Variants in ADCY1 observed in about 807,000 individuals in gnomAD.
The protein encoded by ADCY1 is adenylate cyclase type 1.
A neutral mutation model predicts 105.4 loss-of-function variants in ADCY1; 28 were observed. That is an observed-to-expected ratio of 0.27 (90% CI 0.20 to 0.36). The LOEUF is 0.36. Among genes scored for constraint, ADCY1 ranks in the 10% least tolerant of loss-of-function variants. The pLI, the probability that ADCY1 is intolerant of heterozygous loss-of-function variation, is 1.00. For missense variants in ADCY1, 977 were observed against 1,434.2 expected (o/e 0.68, Z 5.15); for synonymous variants, 655 against 623.8 (o/e 1.05, Z -0.75).
intron 4 of ADCY1, among the ~76,000 whole-genome samples, chr7:45,627,833 G>C (rs1424026124): frequency 1.3e-5 from 2 of 152,186 alleles, no homozygotes; most frequent in African/African-American, 4.8e-5. Flanking sequence ...CTGTAAACAG[G>C]CTCCAGAATC....
chr7:45,669,862 A>G (rs2116158045), intron 8 of ADCY1, among the ~76,000 whole-genome samples: 1 of 152,296 alleles, frequency 6.6e-6, no homozygotes, highest in Non-Finnish European at 1.5e-5. Flanking sequence ...TGTTTTTCAA[A>G]TGGTGATAAT....
At chr7:45,594,793 TAAG>T (rs1364875878) in intron 2 of ADCY1, among the ~76,000 whole-genome samples, 1 of 152,198 alleles carries the variant, frequency 6.6e-6, no homozygotes, top group Non-Finnish European at 1.5e-5. Flanking sequence ...TGGATGTTCT[TAAG>T]GAGGACATTT....
intron 4 of ADCY1, among the ~76,000 whole-genome samples, chr7:45,624,184 A>C (rs1562693723): frequency 6.6e-6 from 1 of 152,186 alleles, no homozygotes; most frequent in African/African-American, 2.4e-5. Context: ...TTCTGAGCAC[A>C]GGGCAGGGCT....
At chr7:45,706,491 G>GC in intron 17 of ADCY1, among the ~76,000 whole-genome samples, 2 of 9,062 alleles carry the variant, frequency 2.2e-4, no homozygotes, top group East Asian at 7.4e-3. Flanking sequence ...GACATCACAT[G>GC]CAAAAAAAAA....
In ADCY1 at chr7:45,665,090, T is replaced by C. The variant is rs1784200577; in HGVS notation, c.1605+2876T>C. 3.9e-5 allele frequency among the ~76,000 whole-genome samples: 6 copies of C among 152,330 alleles called. No homozygotes were observed. In the South Asian group the frequency reaches 1.2e-3, roughly 32 times the overall value. On this transcript the variant is annotated intron_variant, in intron 8 of 19. Coordinates refer to ENST00000297323, the MANE Select transcript of ADCY1 (RefSeq NM_021116.4). The stretch of plus-strand genomic sequence containing the variant: ...ATGATGGTTTCCAGCTTCATCCATG[T>C]CCCTGCAAAGGACATGAACTCATTC...
Position 45,718,480 on chromosome 7 carries a change from C to T in ADCY1, c.*4485C>T, listed in dbSNP as rs1785401349. 1 of 152,190 alleles carries T rather than the reference C, an allele frequency of 6.6e-6. No homozygotes were observed. The highest frequency in any genetic ancestry group is 2.4e-5 in the African/African-American group (1 of 41,388). The allele number at this position is 152,190 out of a possible 1,614,324, so 9.4% of individuals were successfully genotyped here. A position where few individuals can be genotyped will look rare whatever the true frequency, so the allele number is the denominator to read the frequency against. On this transcript the variant is annotated 3_prime_UTR_variant, in exon 20 of 20. Coordinates refer to ENST00000297323, the MANE Select transcript of ADCY1 (RefSeq NM_021116.4). ...GGTGTGAGAAGGTCGAACTGGGTGG[C>T]TTAGGCCTTCAAATTGAGCTTGGGG...
chr7:45,622,576 G>C (rs1793931616), intron 3 of ADCY1, 56 bp from the exon 4 acceptor site: 5 of 1,241,942 alleles, frequency 4.0e-6, no homozygotes, highest in Non-Finnish European at 5.9e-6. Flanking sequence ...ACATCTCTAG[G>C]GATTATTTCC....
chr7:45,709,319 C>A (rs925552574), intron 18 of ADCY1, among the ~76,000 whole-genome samples: 4 of 152,180 alleles, frequency 2.6e-5, no homozygotes, highest in Non-Finnish European at 5.9e-5. Flanking sequence ...AAATTCTGCT[C>A]CTCACTTTCC....
chr7:45,654,519 C>T (rs529160432), intron 5 of ADCY1, among the ~76,000 whole-genome samples: 8 of 152,190 alleles, frequency 5.3e-5, no homozygotes, highest in East Asian at 1.9e-4. Flanking sequence ...CCCTGGAGGT[C>T]GTGCGAGAAG....
chr7:45,660,937 G>A (rs188510405), intron 7 of ADCY1, among the ~76,000 whole-genome samples: 217 of 148,386 alleles, frequency 1.5e-3, no homozygotes, highest in African/African-American at 5.3e-3. Flanking sequence ...TAGGGCTCAG[G>A]TCAGGGGTTC....
chr7:45,664,454 A>G, intron 8 of ADCY1: 1 of 1,528,350 alleles, frequency 6.5e-7, no homozygotes, highest in Non-Finnish European at 8.8e-7. Flanking sequence ...CCCCCAGGGC[A>G]TTCACGCCAG....
intron 14 of ADCY1, among the ~76,000 whole-genome samples, chr7:45,697,765 T>C (rs745721704): frequency 6.6e-6 from 1 of 152,218 alleles, no homozygotes; most frequent in East Asian, 1.9e-4. Context: ...CTCCAACTAC[T>C]ATGTTGACTC....
intron 3 of ADCY1, among the ~76,000 whole-genome samples, chr7:45,610,745 T>G (rs1160420785): frequency 1.1e-4 from 12 of 109,848 alleles, no homozygotes; most frequent in East Asian, 3.1e-4. Context: ...GGTGGGGAGG[T>G]GATGATGGAG....
rs1263173679 is a variant in ADCY1 at position 45,710,755 on chromosome 7, G to A, written c.3057+103G>A. 1 of 1,427,498 alleles carries A rather than the reference G, an allele frequency of 7.0e-7. No homozygotes were observed. Among genetic ancestry groups the A allele is most frequent in the Non-Finnish European group, 9.3e-7 (1 of 1,071,160 alleles). 88.4% of individuals were successfully genotyped at this position (1,427,498 alleles called of 1,614,324 possible). ...TGAATCCCCAGTCTACAGCCCGTAA[G>A]TGGCAGGGCAGAAAGAGCTGCATAT... On this transcript the variant is annotated intron_variant, in intron 19 of 19. Transcript: ENST00000297323. This position sits in a 1 kb window ranked among gnomAD's most constrained non-coding sequence, Gnocchi z 4.7.
chr7:45,590,511 T>C (rs1792881384), intron 1 of ADCY1, among the ~76,000 whole-genome samples: 2 of 152,134 alleles, frequency 1.3e-5, no homozygotes, highest in Non-Finnish European at 2.9e-5. Flanking sequence ...GCTCTGGCCC[T>C]GACCCTTTCC....
chr7:45,628,215 G>A (rs1006537581), intron 4 of ADCY1, among the ~76,000 whole-genome samples: 27 of 152,192 alleles, frequency 1.8e-4, no homozygotes, highest in Non-Finnish European at 3.8e-4. Flanking sequence ...GCTTGTGCTC[G>A]TATACAGGCC....
intron 2 of ADCY1, among the ~76,000 whole-genome samples, chr7:45,597,985 A>G (rs1200048445): frequency 1.3e-5 from 2 of 152,230 alleles, no homozygotes; most frequent in Non-Finnish European, 2.9e-5. Flanking sequence ...AAGAAACAGA[A>G]CAAAGGGTCA....
At position 45,703,647 on chromosome 7, in the gene ADCY1, C is replaced by T. The variant is rs1436674507; in HGVS notation, c.2619C>T (p.Ser873=). The change falls in exon 16 of 20, where the codon TCC becomes TCT. Residue 873 remains serine (S), a synonymous_variant. Coordinates refer to ENST00000297323, the MANE Select transcript of ADCY1 (RefSeq NM_021116.4). The surrounding 1 kb of genome is among the most constrained non-coding windows in gnomAD (Gnocchi z 5.9). ...SYSQVGVMFA[S]IPNFNDFYIE... is the part of the protein sequence containing the mutation. ...CCCAGGTGGGCGTCATGTTTGCCTC[C>T]ATCCCCAACTTCAATGACTTCTACA... is the stretch of plus-strand genomic sequence containing the variant. The T allele has an allele frequency of 1.9e-6, 3 of 1,613,314 alleles. No homozygotes were observed. Among genetic ancestry groups the T allele is most frequent in the East Asian group, 2.2e-5 (1 of 44,868 alleles).
intron 8 of ADCY1, chr7:45,664,503 A>C (rs760035239): frequency 9.3e-6 from 13 of 1,402,232 alleles, no homozygotes; most frequent in Non-Finnish European, 1.2e-5. Context: ...GATCGTAAAC[A>C]TAATTGATTA....
Sources: allele counts gnomAD v4.1 joint callset (sites outside exome capture counted in the v4.1 genomes callset), GRCh38; gene constraint gnomAD v4.1.1; non-coding constraint Gnocchi (gnomAD v3.1); transcripts MANE v1.5; gene names NCBI Gene and HGNC (gene_info 2026-07-23, HGNC 2026-07-21).